DIPK1A: variants seen among roughly 807,000 people sequenced by gnomAD.
The protein encoded by DIPK1A is family with sequence similarity 69 member A.
Under a neutral mutation model 40.8 loss-of-function variants are expected in DIPK1A, and 27 were observed. The observed-to-expected ratio is 0.66, with a 90% CI of 0.49 to 0.91. The LOEUF is 0.91. Among genes scored for constraint, DIPK1A ranks in the 40% least tolerant of loss-of-function variants. The pLI, the probability that DIPK1A is intolerant of heterozygous loss-of-function variation, is 0.00. For missense variants in DIPK1A, 412 were observed against 505.7 expected, an observed-to-expected ratio of 0.81 and a Z score of 1.78; for synonymous variants, 166 against 171.3, an observed-to-expected ratio of 0.97 and a Z score of 0.24.
At chr1:92,862,935 CCTT>C (rs1366797633) in intron 2 of DIPK1A, among the ~76,000 whole-genome samples, 1 of 152,192 alleles carries the variant, frequency 6.6e-6, no homozygotes, top group African/African-American at 2.4e-5. Flanking sequence ...CCTTCTGGGA[CCTT>C]CTTCATTAGG....
downstream of DIPK1A, chr1:92,837,428 T>C (rs756830726): frequency 6.6e-5 from 105 of 1,591,618 alleles, no homozygotes; most frequent in Non-Finnish European, 8.5e-5. Context: ...AGTGAGTCTA[T>C]ACTAAAATAT....
downstream of DIPK1A, chr1:92,840,535 C>T (rs1435379659): frequency 3.1e-6 from 5 of 1,595,712 alleles, no homozygotes; most frequent in Non-Finnish European, 3.4e-6. Context: ...GTACTGTTTG[C>T]TTTCCTTTGT....
intron 1 of DIPK1A, among the ~76,000 whole-genome samples, chr1:92,952,144 G>T (rs1026552892): frequency 6.6e-6 from 1 of 150,924 alleles, no homozygotes; most frequent in Admixed American, 6.6e-5. Flanking sequence ...GATATCTAAC[G>T]GGTAGAGCCC....
chr1:92,949,715 C>A (rs112304142), intron 1 of DIPK1A, among the ~76,000 whole-genome samples: 3 of 152,036 alleles, frequency 2.0e-5, no homozygotes, highest in Non-Finnish European at 4.4e-5. Flanking sequence ...AGAGAGGCTA[C>A]CTTTAGGGAA....
Position 92,842,510 on chromosome 1 carries a change from A to G in DIPK1A, c.*873T>C, listed in dbSNP as rs1687414574. On this transcript the variant is annotated 3_prime_UTR_variant, in exon 5 of 5. Transcript: ENST00000370310. ...ACATTAGATAAATAAATACATTTAC[A>G]TGCCTCTTTAAGAAATAGCCCTTTG... The G allele has an allele frequency of 2.9e-5, 28 of 980,666 alleles. No individual in the cohort carries two copies. The highest frequency in any genetic ancestry group is 3.4e-5 in the Non-Finnish European group (28 of 825,572). 60.7% of individuals were successfully genotyped at this position (980,666 alleles called of 1,614,324 possible).
intron 2 of DIPK1A, among the ~76,000 whole-genome samples, chr1:92,853,360 T>A (rs1273693867): frequency 6.6e-6 from 1 of 152,190 alleles, no homozygotes; most frequent in Non-Finnish European, 1.5e-5. Flanking sequence ...CTGTGACATA[T>A]CCCACTGAGG....
At chr1:92,870,995 G>A (rs569997505) in intron 2 of DIPK1A, among the ~76,000 whole-genome samples, 1 of 152,160 alleles carries the variant, frequency 6.6e-6, no homozygotes, top group Non-Finnish European at 1.5e-5. Flanking sequence ...TTAATCCCAA[G>A]AGCCGAATTT....
At chr1:92,930,049 G>A (rs1650683353) in intron 1 of DIPK1A, among the ~76,000 whole-genome samples, 1 of 152,306 alleles carries the variant, frequency 6.6e-6, no homozygotes, top group Middle Eastern at 3.4e-3. Context: ...TGAGCTGACT[G>A]GCTTAGGCTT....
intron 1 of DIPK1A, among the ~76,000 whole-genome samples, chr1:92,921,881 T>C (rs1287556865): frequency 6.6e-6 from 1 of 152,198 alleles, no homozygotes; most frequent in Admixed American, 6.5e-5. Context: ...GTCATCAGAA[T>C]GTGCTCTAAT....
At chr1:92,903,131 C>T (rs1012146493) in intron 1 of DIPK1A, among the ~76,000 whole-genome samples, 4 of 152,110 alleles carry the variant, frequency 2.6e-5, no homozygotes, top group Admixed American at 2.6e-4. Context: ...GCAGTCTTGA[C>T]CTCCCAGGAC....
chr1:92,913,603 C>T (rs1288070514), intron 1 of DIPK1A, among the ~76,000 whole-genome samples: 1 of 152,232 alleles, frequency 6.6e-6, no homozygotes, highest in Non-Finnish European at 1.5e-5. Context: ...AAAGTTCCTT[C>T]TTGCTCCATG....
chr1:92,926,024 C>A (rs1359708572), intron 1 of DIPK1A, among the ~76,000 whole-genome samples: 2 of 151,768 alleles, frequency 1.3e-5, no homozygotes, highest in Non-Finnish European at 2.9e-5. Context: ...TTGAAAAAAT[C>A]CATTTTGGTT....
chr1:92,835,131 C>G (rs1228018260), intron 4 of DIPK1A: 35 of 612,862 alleles, frequency 5.7e-5, no homozygotes, highest in Non-Finnish European at 8.6e-6. Flanking sequence ...AGTGGTTTTG[C>G]CACTAGCGAC....
intron 2 of DIPK1A, among the ~76,000 whole-genome samples, chr1:92,875,958 C>T (rs545080711): frequency 2.3e-4 from 35 of 151,156 alleles, no homozygotes; most frequent in African/African-American, 7.5e-4. Flanking sequence ...CCTGTAAATA[C>T]GCTTTTATAG....
chr1:92,876,763 C>T (rs1034944635), intron 1 of DIPK1A, among the ~76,000 whole-genome samples: 1 of 152,156 alleles, frequency 6.6e-6, no homozygotes, highest in Non-Finnish European at 1.5e-5. Context: ...AAGAGAGGTA[C>T]AATTCCTATT....
At chr1:92,839,738 T>G (rs900417145), downstream of DIPK1A, among the ~76,000 whole-genome samples, 3 of 152,228 alleles carry the variant, frequency 2.0e-5, no homozygotes, top group Non-Finnish European at 4.4e-5. Context: ...GTATTTAAAA[T>G]GAGAAGCGCA....
intron 1 of DIPK1A, among the ~76,000 whole-genome samples, chr1:92,920,007 T>A (rs556872257): frequency 6.6e-6 from 1 of 152,326 alleles, no homozygotes; most frequent in South Asian, 2.1e-4. Flanking sequence ...TGAGACCCTA[T>A]AGAACCTACT....
intron 1 of DIPK1A, among the ~76,000 whole-genome samples, chr1:92,920,427 G>A (rs988733941): frequency 5.3e-5 from 8 of 152,196 alleles, no homozygotes; most frequent in Non-Finnish European, 5.9e-5. Flanking sequence ...CTCCAGCCAC[G>A]TGGAACTGTG....
chr1:92,860,646 A>AAAATAGCCAGGTG (rs148916481), intron 2 of DIPK1A, among the ~76,000 whole-genome samples: 1 of 105,208 alleles, frequency 9.5e-6, no homozygotes, highest in Non-Finnish European at 1.8e-5. Context: ...AAAAAAAAAA[A>AAAATAGCCAGGTG]TGGTGGTGTG....
Sources: allele counts gnomAD v4.1 joint callset (sites outside exome capture counted in the v4.1 genomes callset), GRCh38; gene constraint gnomAD v4.1.1; transcripts MANE v1.5; gene names NCBI Gene and HGNC (gene_info 2026-07-23, HGNC 2026-07-21).